EPS15: variants seen among roughly 807,000 people sequenced by gnomAD.
The protein encoded by EPS15 is epidermal growth factor receptor pathway substrate 15.
A neutral mutation model predicts 113.8 loss-of-function variants in EPS15; 72 were observed. The observed-to-expected ratio is 0.63, with a 90% CI of 0.52 to 0.77. The LOEUF is 0.77. EPS15 is among the 30% of genes least tolerant of loss of function. The pLI, the probability that EPS15 is intolerant of heterozygous loss-of-function variation, is 0.00. For synonymous variants in EPS15, 344 were observed against 363.4 expected (o/e 0.95, Z 0.61); for missense variants, 1,048 against 1,045.8 (o/e 1.00, Z -0.03).
intron 21 of EPS15, among the ~76,000 whole-genome samples, chr1:51,386,788 G>A (rs939991935): frequency 5.3e-5 from 8 of 151,866 alleles, no homozygotes; most frequent in South Asian, 2.1e-4. Flanking sequence ...AAAAAGAAAC[G>A]AACAAAGCCT....
At chr1:51,384,446 G>A (rs1380016842) in intron 21 of EPS15, among the ~76,000 whole-genome samples, 9 of 151,944 alleles carry the variant, frequency 5.9e-5, no homozygotes. Context: ...GAGTACAGGT[G>A]CATGCCACTA....
At chr1:51,444,736 T>C (rs1652866883) in intron 11 of EPS15, among the ~76,000 whole-genome samples, 153 bp downstream of exon 11, 1 of 152,186 alleles carries the variant, frequency 6.6e-6, no homozygotes, top group African/African-American at 2.4e-5. Context: ...CTCCAGCATA[T>C]TTATAGGCAC....
At chr1:51,461,177 AT>A in intron 7 of EPS15, 27 bp from the exon 8 acceptor site, 1 of 1,486,892 alleles carries the variant, frequency 6.7e-7, no homozygotes, top group Non-Finnish European at 9.4e-7. Context: ...TTGAAAAAAG[AT>A]TAATGTTCTT....
rs1201424260 is a variant in EPS15, at chr1:51,402,576, AG to A, written c.1792-52del. ...ATTTTTTAGAAACCAAAGTTTTAAAAGGTAACATTTTAAAATAAAATAACAC... is the reference window on the plus strand; with the variant it reads ...ATTTTTTAGAAACCAAAGTTTTAAAAGTAACATTTTAAAATAAAATAACAC... On this transcript the variant is annotated intron_variant, in intron 17 of 24. Coordinates refer to ENST00000371733, the MANE Select transcript of EPS15 (RefSeq NM_001981.3). The A allele has an allele frequency of 8.2e-6, 8 of 971,926 alleles. No homozygotes were observed. The African/African-American group carries it at 1.3e-4, about 16-fold the overall frequency. The allele number at this position is 971,926 out of a possible 1,614,324, so 60.2% of individuals were successfully genotyped here. A position where few individuals can be genotyped will look rare whatever the true frequency, so the allele number is the denominator to read the frequency against.
intron 5 of EPS15, among the ~76,000 whole-genome samples, chr1:51,467,375 T>C (rs1470838338): frequency 6.6e-6 from 1 of 152,224 alleles, no homozygotes; most frequent in Non-Finnish European, 1.5e-5. Context: ...TATGTCCAAG[T>C]TTATTATTCA....
rs1482838702 is a variant in EPS15 at position 51,440,378 on chromosome 1, T to C, written c.1009A>G (p.Thr337Ala). ...AGGTCAACTATTTCATTGTTAAGAG[T>C]ATCTAGTTCCTTAATAGCAGAGAAA... The part of the protein sequence containing the change: ...ADFSAIKELD[T>A]LNNEIVDLQR... Residue 337 changes from threonine (T) to alanine (A), a missense_variant, in exon 12 of 25, where the codon ACT (threonine) becomes GCT (alanine). By Grantham distance (58) the Thr-to-Ala change is moderately conservative. Coordinates refer to ENST00000371733, the MANE Select transcript of EPS15 (RefSeq NM_001981.3). 2 of 1,590,840 alleles carry C rather than the reference T, an allele frequency of 1.3e-6. No homozygotes were observed. Among genetic ancestry groups the C allele is most frequent in the African/African-American group, 1.3e-5 (1 of 74,474 alleles).
chr1:51,472,773 T>C, intron 3 of EPS15, 86 bp downstream of exon 3: 1 of 976,046 alleles, frequency 1.0e-6, no homozygotes, highest in Non-Finnish European at 1.6e-6. Context: ...AATTTCTTGA[T>C]GGCATCTTTC....
chr1:51,506,843 GAACA>G (rs1459991840), intron 1 of EPS15, among the ~76,000 whole-genome samples: 1 of 149,022 alleles, frequency 6.7e-6, no homozygotes, highest in Non-Finnish European at 1.5e-5. Context: ...AGAATGTAGA[GAACA>G]AACTAAGAAT....
intron 1 of EPS15, among the ~76,000 whole-genome samples, chr1:51,511,712 C>CA (rs1644624747): frequency 6.6e-6 from 1 of 152,128 alleles, no homozygotes; most frequent in Admixed American, 6.5e-5. Context: ...CCCAAAATCT[C>CA]AAAGTGCCAA....
chr1:51,417,977 T>G (rs1424985236), intron 13 of EPS15, among the ~76,000 whole-genome samples: 1 of 152,106 alleles, frequency 6.6e-6, no homozygotes. Context: ...TAAATTGGTT[T>G]AGGAGGAAAG....
At chr1:51,454,045 GTTTCAAAA>G (rs1283939379) in intron 8 of EPS15, among the ~76,000 whole-genome samples, 1 of 55,338 alleles carries the variant, frequency 1.8e-5, no homozygotes, top group East Asian at 5.2e-4. Context: ...GTGAGACTTT[GTTTCAAAA>G]AAAAAAAAAA....
intron 21 of EPS15, among the ~76,000 whole-genome samples, chr1:51,384,038 T>G (rs1284048973): frequency 6.6e-6 from 1 of 152,186 alleles, no homozygotes; most frequent in African/African-American, 2.4e-5. Flanking sequence ...AAGGAGGACT[T>G]GTATACTGAC....
At chr1:51,504,650 A>G (rs1417148244) in intron 1 of EPS15, among the ~76,000 whole-genome samples, 1 of 152,228 alleles carries the variant, frequency 6.6e-6, no homozygotes, top group African/African-American at 2.4e-5. Flanking sequence ...TAATAAGCAC[A>G]TAAAAAGATG....
chr1:51,400,114 G>A (rs957481027), intron 19 of EPS15, among the ~76,000 whole-genome samples: 2 of 152,132 alleles, frequency 1.3e-5, no homozygotes. Context: ...ACAGCCAATA[G>A]TTTAGAACAG....
At position 51,356,286 on chromosome 1, in the gene EPS15, CAG is replaced by C. The variant is rs1274944111; in HGVS notation, c.*412_*413del. On this transcript the variant is annotated 3_prime_UTR_variant, in exon 25 of 25. Coordinates refer to ENST00000371733, the MANE Select transcript of EPS15 (RefSeq NM_001981.3). Reference sequence around the variant, plus strand: ...CTTACCCTCACTCAACCATTCCAATCAGGGGAGAATACTGCAAACTTTAAGAA... The same window carrying C: ...CTTACCCTCACTCAACCATTCCAATCGGGAGAATACTGCAAACTTTAAGAA... 9 of 226,596 alleles carry C rather than the reference CAG, an allele frequency of 4.0e-5. No individual in the cohort carries two copies. The highest frequency in any genetic ancestry group is 8.9e-5 in the African/African-American group (4 of 44,976). 14.0% of individuals were successfully genotyped at this position (226,596 alleles called of 1,614,324 possible).
chr1:51,467,704 G>C (rs993053731), intron 5 of EPS15, among the ~76,000 whole-genome samples: 31 of 152,278 alleles, frequency 2.0e-4, no homozygotes, highest in African/African-American at 7.2e-4. Flanking sequence ...ACTTTTGCCA[G>C]ATCAGCGGTG....
At position 51,440,287 on chromosome 1, in the gene EPS15, G is replaced by C. The variant is rs908105199; in HGVS notation, c.1040+60C>G. The stretch of plus-strand genomic sequence containing the variant: ...ACATATATACATGTACTGTGTGTGT[G>C]TGTGTGTGTGTGTGTGTGTGTGTGT... On this transcript the variant is annotated intron_variant, in intron 12 of 24. Transcript: ENST00000371733. 1,623 of 617,300 alleles carry C rather than the reference G, an allele frequency of 2.6e-3. 17 individuals are homozygous for C. The African/African-American group carries it at 0.028, about 11-fold the overall frequency. The allele number at this position is 617,300 out of a possible 1,614,324, so 38.2% of individuals were successfully genotyped here.
intron 19 of EPS15, 100 bp downstream of exon 19, chr1:51,400,818 G>C: frequency 1.7e-6 from 1 of 573,570 alleles, no homozygotes; most frequent in Non-Finnish European, 3.0e-6. Context: ...CAGGCACATA[G>C]AGCATCTTAC....
rs77691710 is a variant in EPS15, at chr1:51,369,820, C to G, written c.2120-3791G>C. 7.9e-5 allele frequency among the ~76,000 whole-genome samples: 12 copies of G among 152,238 alleles called. No individual in the cohort carries two copies. The South Asian group carries it at 2.5e-3, about 32-fold the overall frequency. ...CTTTCTTATACAAACTCTATGAAGA[C>G]AGGAACTTTGTTTTGTTCACAGCTG... On this transcript the variant is annotated intron_variant, in intron 21 of 24. Transcript: ENST00000371733.
Sources: gnomAD v4.1 joint callset for allele counts (sites outside exome capture counted in the v4.1 genomes callset) on GRCh38, gnomAD v4.1.1 for gene constraint, MANE v1.5 for transcripts, NCBI Gene and HGNC (gene_info 2026-07-23, HGNC 2026-07-21) for gene names.